Variants in BCKDHA observed in about 807,000 individuals in gnomAD.
The protein encoded by BCKDHA is branched chain keto acid dehydrogenase E1 subunit alpha.
A neutral mutation model predicts 52.2 loss-of-function variants in BCKDHA; 43 were observed. The observed-to-expected ratio is 0.82, with a 90% CI of 0.64 to 1.06. The LOEUF (loss-of-function observed/expected upper bound fraction) is 1.06. Among genes scored for constraint, BCKDHA ranks in the 50% least tolerant of loss-of-function variants. The pLI is 0.00. For missense variants in BCKDHA, 527 were observed against 621.3 expected (o/e 0.85, Z 1.61); for synonymous variants, 234 against 247.9 (o/e 0.94, Z 0.53).
At chr19:41,413,168 G>T (rs1463349281) in intron 3 of BCKDHA, among the ~76,000 whole-genome samples, 1 of 152,210 alleles carries the variant, frequency 6.6e-6, no homozygotes, top group Admixed American at 6.5e-5. Context: ...CTTCATGGCT[G>T]TCTGCAAGGC....
rs759886273 is a variant in BCKDHA, at chr19:41,414,177, G to C, written c.484+20G>C. 1 of 1,605,674 alleles carries C rather than the reference G, an allele frequency of 6.2e-7. No individual in the cohort carries two copies. Among genetic ancestry groups the C allele is most frequent in the Non-Finnish European group, 8.5e-7 (1 of 1,173,056 alleles). ...AGGCAGGTACGTCTGTCCGTGGTTT[G>C]GCCCTGTGGTCCCCATTGAAGTGTA... On this transcript the variant is annotated intron_variant, in intron 4 of 8. Transcript: ENST00000269980.
At chr19:41,397,987 G>C (rs774184806) in intron 1 of BCKDHA, 52 bp downstream of exon 1, 1 of 1,500,924 alleles carries the variant, frequency 6.7e-7, no homozygotes, top group Non-Finnish European at 9.2e-7. Flanking sequence ...GGGATGTAAA[G>C]GCTATCTTCA....
In BCKDHA at chr19:41,408,621, CT is replaced by C. The variant is rs142941551; in HGVS notation, c.109-2006del. Among the ~76,000 whole-genome samples, 614 of 147,868 alleles carry C rather than the reference CT, an allele frequency of 4.2e-3. 6 individuals carry two copies. The highest frequency in any genetic ancestry group is 0.014 in the African/African-American group (570 of 40,382). ...GCAGGACTCCTCCAGCCCCTCTGAG[CT>C]TTTTTTTTTGTTTGAGACAGCATGT... is the stretch of plus-strand genomic sequence containing the variant. On this transcript the variant is annotated intron_variant, in intron 1 of 8. Transcript: ENST00000269980.
chr19:41,419,989 G>A (rs1055356606), intron 5 of BCKDHA, among the ~76,000 whole-genome samples: 1 of 152,010 alleles, frequency 6.6e-6, no homozygotes, highest in African/African-American at 2.4e-5. Flanking sequence ...GGCTGGTCTT[G>A]AACCTGAGTT....
In BCKDHA at chr19:41,424,598, T is replaced by C. The variant is rs1270060297; in HGVS notation, c.1328T>C (p.Phe443Ser). ...TYGEHYPLDH[F>S]DK is the part of the protein sequence containing the mutation. ...GGGGAGCACTACCCACTGGATCACT[T>C]CGATAAGTGAGACCTGCTCAGCCCA... is the stretch of plus-strand genomic sequence containing the variant. The change falls in exon 9 of 9, where the codon TTC (phenylalanine) becomes TCC (serine). Residue 443 changes from phenylalanine (F) to serine (S), a missense_variant. Physicochemically the swap from Phe to Ser is radical, Grantham distance 155. Transcript: ENST00000269980. The C allele has an allele frequency of 2.2e-5, 36 of 1,603,584 alleles. No homozygotes were observed. Among genetic ancestry groups the C allele is most frequent in the Non-Finnish European group, 3.0e-5 (35 of 1,172,806 alleles).
At chr19:41,402,978 T>G (rs1335006478) in intron 1 of BCKDHA, among the ~76,000 whole-genome samples, 6 of 152,114 alleles carry the variant, frequency 3.9e-5, no homozygotes, top group African/African-American at 7.2e-5. Context: ...CTCTTTCCAC[T>G]TCAGTCCCCC....
At position 41,398,023 on chromosome 19, in the gene BCKDHA, A is replaced by G. The variant is rs2039095430; in HGVS notation, c.108+88A>G. The G allele has an allele frequency of 5.3e-6, 6 of 1,126,118 alleles. No individual in the cohort carries two copies. The Admixed American group carries it at 1.1e-4, about 20-fold the overall frequency. 69.8% of individuals were successfully genotyped at this position (1,126,118 alleles called of 1,614,324 possible). A position where few individuals can be genotyped will look rare whatever the true frequency, so the allele number is the denominator to read the frequency against. On this transcript the variant is annotated intron_variant, in intron 1 of 8. Transcript: ENST00000269980. ...GAGTGTGGGGTCCCTGAAGGATATG[A>G]AGGAAGGGCTGTCACAAAAGGGAAA... is the stretch of plus-strand genomic sequence containing the variant.
intron 8 of BCKDHA, 77 bp downstream of exon 8, chr19:41,423,246 C>T (rs1281820317): frequency 8.4e-6 from 13 of 1,538,830 alleles, no homozygotes; most frequent in African/African-American, 4.1e-5. Context: ...TGTGGAACAC[C>T]GAACTGGGAG....
chr19:41,403,775 C>G (rs2039162888), intron 1 of BCKDHA, among the ~76,000 whole-genome samples: 1 of 152,208 alleles, frequency 6.6e-6, no homozygotes, highest in African/African-American at 2.4e-5. Context: ...CCCACGAGGG[C>G]ACGCAGGTTC....
intron 4 of BCKDHA, among the ~76,000 whole-genome samples, chr19:41,416,870 A>C (rs4803469): frequency 0.66 from 99,786 of 151,988 alleles, 33,813 homozygotes; most frequent in African/African-American, 0.82. Context: ...GTGAGCTATG[A>C]TTCCACCACC....
In BCKDHA at chr19:41,422,781, C is replaced by T. The variant is rs1305236595; in HGVS notation, c.995+11C>T. 6.2e-7 allele frequency: 1 copy of T among 1,612,772 alleles called. No individual in the cohort carries two copies. Reference sequence around the variant, plus strand: ...GGCCATGACCTACAGGTGCCTGCCGCTCCCCCCGTCAGCACCCCCACAGCA... The same window carrying T: ...GGCCATGACCTACAGGTGCCTGCCGTTCCCCCCGTCAGCACCCCCACAGCA... On this transcript the variant is annotated intron_variant, in intron 7 of 8. Transcript: ENST00000269980.
At chr19:41,414,232 G>C in intron 4 of BCKDHA, 75 bp downstream of exon 4, 1 of 1,380,394 alleles carries the variant, frequency 7.2e-7, no homozygotes, top group South Asian at 1.2e-5. Flanking sequence ...GTTCTTCCAG[G>C]AGCAGCATAG....
chr19:41,423,513 G>GGT (rs1480114517), intron 8 of BCKDHA, among the ~76,000 whole-genome samples: 4 of 152,142 alleles, frequency 2.6e-5, no homozygotes, highest in African/African-American at 9.7e-5. Flanking sequence ...GGCCAAACAT[G>GGT]GTCAAGCCCT....
chr19:41,422,534 C>T (rs2039378964), intron 6 of BCKDHA, 95 bp from the exon 7 acceptor site: 1 of 1,593,724 alleles, frequency 6.3e-7, no homozygotes, highest in Non-Finnish European at 8.6e-7. Context: ...GAGCACTCAG[C>T]CTTGCTCTCT....
chr19:41,410,533 C>A, intron 1 of BCKDHA, 104 bp from the exon 2 acceptor site: 3 of 1,322,568 alleles, frequency 2.3e-6, no homozygotes, highest in Non-Finnish European at 2.1e-6. Flanking sequence ...TTCACTGGGG[C>A]CACATGCTCA....
At chr19:41,410,882 G>C (rs749324349) in intron 2 of BCKDHA, 41 bp from the exon 3 acceptor site, 30 of 1,613,640 alleles carry the variant, frequency 1.9e-5, no homozygotes, top group Non-Finnish European at 2.5e-5. Context: ...TCTCCTCTCT[G>C]GTCCCAACTG....
At chr19:41,419,091 C>G in intron 4 of BCKDHA, 44 bp from the exon 5 acceptor site, 1 of 1,611,958 alleles carries the variant, frequency 6.2e-7, no homozygotes, top group Non-Finnish European at 8.5e-7. Context: ...GAACTGTCCC[C>G]CTGTACTGCC....
intron 8 of BCKDHA, 82 bp from the exon 9 acceptor site, chr19:41,424,356 T>C: frequency 6.6e-7 from 1 of 1,526,026 alleles, no homozygotes; most frequent in Non-Finnish European, 9.0e-7. Flanking sequence ...GAGTGGTTAA[T>C]TCCTTGCCAA....
intron 4 of BCKDHA, among the ~76,000 whole-genome samples, chr19:41,416,679 G>A (rs888701049): frequency 9.2e-5 from 14 of 152,174 alleles, no homozygotes; most frequent in African/African-American, 3.1e-4. Flanking sequence ...CAGCACTTCG[G>A]GAGGCTGAGG....
Sources: allele counts gnomAD v4.1 joint callset (sites outside exome capture counted in the v4.1 genomes callset), GRCh38; gene constraint gnomAD v4.1.1; transcripts MANE v1.5; gene names NCBI Gene and HGNC (gene_info 2026-07-23, HGNC 2026-07-21).